The following ARVCF variants were observed in gnomAD, a reference collection of about 807,000 sequenced individuals.
ARVCF encodes the protein splicing regulator ARVCF.
Under a neutral mutation model 90.9 loss-of-function variants are expected in ARVCF, and 66 were observed. That is an observed-to-expected ratio of 0.73 (90% confidence interval 0.60 to 0.89). The LOEUF (loss-of-function observed/expected upper bound fraction) is 0.89, where lower values mean the gene tolerates loss of function less well. ARVCF is among the 40% of genes least tolerant of loss of function. The pLI is 0.00. For missense variants in ARVCF, 1,469 were observed against 1,382.3 expected, an observed-to-expected ratio of 1.06 and a Z score of -1.00; for synonymous variants, 653 against 603.4, an observed-to-expected ratio of 1.08 and a Z score of -1.21.
chr22:20,016,565 C>G (rs1452297482), intron 1 of ARVCF, 24 bp downstream of exon 1: 1 of 151,846 alleles, frequency 6.6e-6, no homozygotes, highest in African/African-American at 2.4e-5. Flanking sequence ...GGGTCCCACA[C>G]CCCGCCCACT....
In ARVCF at chr22:19,972,342, C is replaced by G; in HGVS notation, c.2695+16G>C. The G allele has an allele frequency of 1.2e-6, 2 of 1,613,738 alleles. No homozygotes were observed. The highest frequency in any genetic ancestry group is 2.7e-5 in the African/African-American group (2 of 75,070). ...CTCCCGGCACAGAAAACCAACCACACTGCATCTGCACTCACCTGGGCCCAG... is the reference window on the plus strand; with the variant it reads ...CTCCCGGCACAGAAAACCAACCACAGTGCATCTGCACTCACCTGGGCCCAG... On this transcript the variant is annotated intron_variant, in intron 17 of 19. Coordinates refer to ENST00000263207, the MANE Select transcript of ARVCF (RefSeq NM_001670.3).
intron 1 of ARVCF, among the ~76,000 whole-genome samples, chr22:20,010,991 T>G (rs997571960): frequency 2.6e-5 from 4 of 152,186 alleles, no homozygotes; most frequent in Non-Finnish European, 4.4e-5. Flanking sequence ...TCCTGGGCCC[T>G]CCCAGGCAGG....
At chr22:19,978,787 G>A in intron 7 of ARVCF, 110 bp downstream of exon 7, 1 of 1,305,410 alleles carries the variant, frequency 7.7e-7, no homozygotes, top group Admixed American at 2.5e-5. Context: ...CAGCTCTGAA[G>A]CTCCTAAGCT....
chr22:19,988,182 G>T (rs1423654026), intron 3 of ARVCF, among the ~76,000 whole-genome samples: 2 of 152,116 alleles, frequency 1.3e-5, no homozygotes, highest in African/African-American at 4.8e-5. Flanking sequence ...ATATACAGAG[G>T]CCACTCGGCT....
chr22:20,002,614 G>A (rs893148533), intron 2 of ARVCF, among the ~76,000 whole-genome samples: 14 of 152,164 alleles, frequency 9.2e-5, no homozygotes, highest in African/African-American at 3.4e-4. Context: ...GGACTACCCA[G>A]AGAAGTAGTT....
chr22:19,988,615 T>C (rs1755629186), intron 3 of ARVCF, among the ~76,000 whole-genome samples: 2 of 152,220 alleles, frequency 1.3e-5, no homozygotes, highest in Admixed American at 6.5e-5. Flanking sequence ...CCTAGCCTGG[T>C]TCCCCAGCCT....
At chr22:19,981,783 G>C (rs12168292) in intron 4 of ARVCF, 46 bp from the exon 5 acceptor site, 3 of 1,550,352 alleles carry the variant, frequency 1.9e-6, no homozygotes, top group Non-Finnish European at 2.6e-6. Flanking sequence ...GAGAGGCCTA[G>C]AAACTGCTTT....
At chr22:20,012,916 G>A (rs1346301889) in intron 1 of ARVCF, among the ~76,000 whole-genome samples, 1 of 152,266 alleles carries the variant, frequency 6.6e-6, no homozygotes, top group East Asian at 1.9e-4. Context: ...CCCAGAACTG[G>A]GATGGAGGAT....
At chr22:19,981,153 G>C (rs1415243534) in intron 5 of ARVCF, 58 bp downstream of exon 5, 4 of 1,459,830 alleles carry the variant, frequency 2.7e-6, no homozygotes, top group African/African-American at 1.4e-5. Flanking sequence ...TCTGTAGTTG[G>C]GGGGTGGAGG....
intron 3 of ARVCF, among the ~76,000 whole-genome samples, chr22:19,987,957 A>G (rs1601628890): frequency 6.6e-6 from 1 of 152,254 alleles, no homozygotes; most frequent in South Asian, 2.1e-4. Context: ...GGCTGGAGCC[A>G]CCTTCTTATG....
At chr22:19,987,897 C>T (rs1251187851) in intron 3 of ARVCF, among the ~76,000 whole-genome samples, 20 of 152,186 alleles carry the variant, frequency 1.3e-4, no homozygotes, top group Non-Finnish European at 2.9e-5. Context: ...GTGGGCCACA[C>T]CCTAGGGAAT....
intron 10 of ARVCF, 70 bp from the exon 11 acceptor site, chr22:19,975,827 C>A: frequency 6.5e-7 from 1 of 1,529,802 alleles, no homozygotes; most frequent in Non-Finnish European, 9.0e-7. Flanking sequence ...GAGAGTTGGG[C>A]ACAGTTCTCT....
intron 3 of ARVCF, among the ~76,000 whole-genome samples, chr22:19,988,110 T>C (rs1301956159): frequency 6.6e-6 from 1 of 152,182 alleles, no homozygotes; most frequent in Non-Finnish European, 1.5e-5. Flanking sequence ...TCCCACTGGC[T>C]TCTCCGCAGA....
chr22:20,012,511 C>A (rs939326544), intron 1 of ARVCF, among the ~76,000 whole-genome samples: 1 of 152,212 alleles, frequency 6.6e-6, no homozygotes, highest in Non-Finnish European at 1.5e-5. Context: ...CTTGGGGAGC[C>A]CCCCTGAGTG....
chr22:19,981,766 G>A (rs1056688901), intron 4 of ARVCF, 29 bp from the exon 5 acceptor site: 1 of 1,552,610 alleles, frequency 6.4e-7, no homozygotes, highest in Middle Eastern at 1.7e-4. Flanking sequence ...GGTAGGTGGG[G>A]TAGCACGAGA....
chr22:19,968,985 T>TAA (rs1942592768), downstream of ARVCF: 1 of 402,896 alleles, frequency 2.5e-6, no homozygotes, highest in Non-Finnish European at 4.5e-6. Flanking sequence ...TATCATGTTT[T>TAA]AAAAATATAA....
At chr22:20,003,255 G>T (rs773701618) in intron 2 of ARVCF, among the ~76,000 whole-genome samples, 1 of 152,126 alleles carries the variant, frequency 6.6e-6, no homozygotes, top group Non-Finnish European at 1.5e-5. Context: ...AGCAAAGATG[G>T]TTTCACTGGT....
chr22:19,979,482 G>A, intron 6 of ARVCF: 1 of 586,312 alleles, frequency 1.7e-6, no homozygotes. Context: ...TTTCTGTGGG[G>A]GCAGGAGGTG....
chr22:20,009,295 C>T (rs1433457041), intron 2 of ARVCF, among the ~76,000 whole-genome samples: 4 of 152,246 alleles, frequency 2.6e-5, no homozygotes, highest in Non-Finnish European at 5.9e-5. Context: ...AGACCCAGCT[C>T]CCACTAGGCT....
Sources: allele counts gnomAD v4.1 joint callset (sites outside exome capture counted in the v4.1 genomes callset), GRCh38; gene constraint gnomAD v4.1.1; transcripts MANE v1.5; gene names NCBI Gene and HGNC (gene_info 2026-07-23, HGNC 2026-07-21).